COL8A1: variants seen among roughly 807,000 people sequenced by gnomAD.
The protein encoded by COL8A1 is collagen type VIII alpha 1 chain.
COL8A1 carries 21 observed loss-of-function variants against 42.7 expected under a neutral mutation model. The ratio of observed to expected loss-of-function variants is 0.49; its 90% confidence interval spans 0.35 to 0.71. COL8A1 has a LOEUF of 0.71. Among genes scored for constraint, COL8A1 ranks in the 30% least tolerant of loss-of-function variants. The pLI is 0.01. For synonymous variants in COL8A1, 367 were observed against 369.1 expected, an observed-to-expected ratio of 0.99 and a Z score of 0.06; for missense variants, 788 against 962.4, an observed-to-expected ratio of 0.82 and a Z score of 2.40.
chr3:99,701,429 GAGAA>G (rs2107346864), intron 1 of COL8A1, among the ~76,000 whole-genome samples: 1 of 152,240 alleles, frequency 6.6e-6, no homozygotes, highest in East Asian at 1.9e-4. Flanking sequence ...TTCCTTACTA[GAGAA>G]AGAGAGGCAT....
intron 1 of COL8A1, among the ~76,000 whole-genome samples, chr3:99,710,618 G>A (rs1007385153): frequency 4.6e-5 from 7 of 152,184 alleles, no homozygotes; most frequent in African/African-American, 1.7e-4. Flanking sequence ...CTGTCAGGAG[G>A]AGCAGCCAGT....
chr3:99,730,440 G>C (rs1940468094), intron 1 of COL8A1, among the ~76,000 whole-genome samples: 1 of 152,052 alleles, frequency 6.6e-6, no homozygotes, highest in Admixed American at 6.6e-5. Context: ...TTTAGATTTT[G>C]AGTCTTGTTA....
chr3:99,720,763 T>G (rs1032636827), intron 1 of COL8A1, among the ~76,000 whole-genome samples: 2 of 152,118 alleles, frequency 1.3e-5, no homozygotes, highest in African/African-American at 2.4e-5. Context: ...AGAACTGTCA[T>G]GTATTCAAAA....
intron 1 of COL8A1, among the ~76,000 whole-genome samples, chr3:99,651,184 T>A (rs1418669123): frequency 5.3e-5 from 8 of 152,336 alleles, no homozygotes; most frequent in East Asian, 1.9e-4. Flanking sequence ...ATGAAAAAGT[T>A]CCATTATTCA....
intron 2 of COL8A1, among the ~76,000 whole-genome samples, chr3:99,773,437 T>C (rs891162857): frequency 6.6e-6 from 1 of 152,148 alleles, no homozygotes; most frequent in Non-Finnish European, 1.5e-5. Flanking sequence ...GATTGTGATC[T>C]ACACCTATAT....
chr3:99,662,965 T>A (rs1303892713), intron 1 of COL8A1, among the ~76,000 whole-genome samples: 1 of 152,128 alleles, frequency 6.6e-6, no homozygotes, highest in African/African-American at 2.4e-5. Flanking sequence ...TCTTTCGACT[T>A]TCTCAAAGAT....
intron 1 of COL8A1, among the ~76,000 whole-genome samples, chr3:99,723,542 A>G (rs183340684): frequency 8.6e-4 from 131 of 152,292 alleles, no homozygotes; most frequent in Non-Finnish European, 1.4e-3. Flanking sequence ...GAAATGTTCA[A>G]TTGTAATACA....
At chr3:99,689,981 T>C (rs1289697412) in intron 1 of COL8A1, among the ~76,000 whole-genome samples, 1 of 152,214 alleles carries the variant, frequency 6.6e-6, no homozygotes, top group South Asian at 2.1e-4. Context: ...CTTTAAAATA[T>C]GACAGTTAAA....
intron 2 of COL8A1, among the ~76,000 whole-genome samples, chr3:99,783,709 A>C (rs560429605): frequency 1.7e-4 from 26 of 152,364 alleles, no homozygotes; most frequent in African/African-American, 5.8e-4. Context: ...TTTCTTCACA[A>C]GGTAGCAGGA....
In COL8A1 at chr3:99,794,860, A is replaced by T; in HGVS notation, c.959A>T (p.Gln320Leu). 1 of 1,611,990 alleles carries T rather than the reference A, an allele frequency of 6.2e-7. No homozygotes were observed. Among genetic ancestry groups the T allele is most frequent in the Non-Finnish European group, 8.5e-7 (1 of 1,179,006 alleles). ...PGIPGIGKPGQDGIPGQPGFP... is the reference protein window; with the variant it reads ...PGIPGIGKPGLDGIPGQPGFP... The stretch of plus-strand genomic sequence containing the variant: ...ATACCCGGAATTGGAAAGCCAGGCC[A>T]GGATGGGATCCCAGGCCAGCCAGGA... The change falls in exon 4 of 4, where the codon CAG (glutamine) becomes CTG (leucine). Residue 320 changes from glutamine to leucine, a missense_variant. Gln to Leu is a moderately radical substitution (Grantham distance 113, BLOSUM62 -2). Transcript: ENST00000652472. This position sits in a 1 kb window ranked among gnomAD's most constrained non-coding sequence, Gnocchi z 4.3.
intron 1 of COL8A1, among the ~76,000 whole-genome samples, chr3:99,640,828 G>T (rs1937493622): frequency 6.6e-6 from 1 of 152,248 alleles, no homozygotes; most frequent in African/African-American, 2.4e-5. Context: ...TTCTGCATGG[G>T]ATGTGGATAC....
chr3:99,727,883 A>G (rs575275479), intron 1 of COL8A1, among the ~76,000 whole-genome samples: 77 of 152,160 alleles, frequency 5.1e-4, no homozygotes, highest in African/African-American at 1.8e-3. Flanking sequence ...AGAACCAAAG[A>G]AAAAAACCAC....
chr3:99,688,151 G>T (rs1939118444), intron 1 of COL8A1, among the ~76,000 whole-genome samples: 1 of 152,178 alleles, frequency 6.6e-6, no homozygotes, highest in Non-Finnish European at 1.5e-5. Context: ...ACACATATCT[G>T]CTCTCAAATT....
chr3:99,712,929 G>A (rs904203168), intron 1 of COL8A1, among the ~76,000 whole-genome samples: 4 of 152,056 alleles, frequency 2.6e-5, no homozygotes, highest in Non-Finnish European at 4.4e-5. Flanking sequence ...CTCTACATTT[G>A]AGCCAGAAAG....
intron 2 of COL8A1, among the ~76,000 whole-genome samples, chr3:99,763,658 G>A (rs1005422874): frequency 9.9e-5 from 15 of 152,050 alleles, no homozygotes; most frequent in African/African-American, 4.8e-5. Flanking sequence ...CTAAAGTCAT[G>A]TAGGTAATAG....
intron 2 of COL8A1, among the ~76,000 whole-genome samples, chr3:99,774,551 A>C (rs893447622): frequency 6.6e-6 from 1 of 152,146 alleles, no homozygotes; most frequent in African/African-American, 2.4e-5. Flanking sequence ...AGATGGAGAG[A>C]AGCCAGCATG....
At chr3:99,781,333 T>G (rs1159872886) in intron 2 of COL8A1, among the ~76,000 whole-genome samples, 1 of 152,164 alleles carries the variant, frequency 6.6e-6, no homozygotes, top group Non-Finnish European at 1.5e-5. Context: ...AGGAACCAAT[T>G]TTAGAAAACA....
intron 1 of COL8A1, among the ~76,000 whole-genome samples, chr3:99,740,343 T>C (rs1940863878): frequency 6.6e-6 from 1 of 152,202 alleles, no homozygotes. Flanking sequence ...ACTTACTGTA[T>C]TAGTCTGTTC....
chr3:99,731,948 A>G (rs1200082784), intron 1 of COL8A1, among the ~76,000 whole-genome samples: 1 of 152,124 alleles, frequency 6.6e-6, no homozygotes, highest in Non-Finnish European at 1.5e-5. Context: ...CACATAACAA[A>G]ATGAGAGTGA....
Sources: allele counts gnomAD v4.1 joint callset (sites outside exome capture counted in the v4.1 genomes callset), GRCh38; gene constraint gnomAD v4.1.1; non-coding constraint Gnocchi (gnomAD v3.1); transcripts MANE v1.5; gene names NCBI Gene and HGNC (gene_info 2026-07-23, HGNC 2026-07-21).